MVB12A: variants seen among roughly 807,000 people sequenced by gnomAD.
MVB12A encodes the protein multivesicular body subunit 12A, also known as CIN85/CD2AP family binding protein.
A neutral mutation model predicts 34.3 loss-of-function variants in MVB12A; 30 were observed. The ratio of observed to expected loss-of-function variants is 0.88; its 90% CI spans 0.65 to 1.19. The LOEUF (loss-of-function observed/expected upper bound fraction) is 1.19. MVB12A is among the 50% of genes most tolerant of loss of function. MVB12A has a pLI of 0.00. For missense variants in MVB12A, 355 were observed against 369.2 expected (o/e 0.96, Z 0.31); for synonymous variants, 158 against 158.9 (o/e 0.99, Z 0.04).
At chr19:17,418,449 A>G (rs2074815725), upstream of MVB12A, among the ~76,000 whole-genome samples, 1 of 150,110 alleles carries the variant, frequency 6.7e-6, no homozygotes, top group Non-Finnish European at 1.5e-5. Flanking sequence ...CTGGAGTGCA[A>G]TGGCGCGATC....
At chr19:17,415,375 T>C (rs1045773701), upstream of MVB12A, 1 of 152,246 alleles carries the variant, frequency 6.6e-6, no homozygotes, top group Non-Finnish European at 1.5e-5. Flanking sequence ...GATAAGGTAC[T>C]GGAACAAACA....
At position 17,423,576 on chromosome 19, in the gene MVB12A, G is replaced by A. The variant is rs1413951005; in HGVS notation, c.492G>A (p.Arg164=). ...RPVPKPRGLS[R]DMQGLSLDAA... ...TGCCCAAGCCCCGAGGTCTCAGCCGGGACATGCAGGGCCTCTCTCTGGATG... is the reference window on the plus strand; with the variant it reads ...TGCCCAAGCCCCGAGGTCTCAGCCGAGACATGCAGGGCCTCTCTCTGGATG... Residue 164 remains arginine (R), a synonymous_variant, in exon 5 of 9, where the codon CGG becomes CGA. Coordinates refer to ENST00000317040, the MANE Select transcript of MVB12A (RefSeq NM_138401.4). 5 of 1,614,152 alleles carry A rather than the reference G, an allele frequency of 3.1e-6. No homozygotes were observed. In the South Asian group the frequency reaches 4.4e-5, roughly 14 times the overall value.
intron 7 of MVB12A, 100 bp downstream of exon 7, chr19:17,424,167 C>A: frequency 1.6e-6 from 2 of 1,220,608 alleles, no homozygotes; most frequent in Non-Finnish European, 2.4e-6. Context: ...AGGGCCACAT[C>A]CTGGGTTGGG....
chr19:17,424,042 T>C lies in MVB12A; in HGVS notation c.677T>C (p.Phe226Ser), dbSNP rs1305903702. ...GTTCCCTTCACACTCCACCCACGATTTGAGGGCAAGAGCTGCAGCCCCCTG... is the reference window on the plus strand; with the variant it reads ...GTTCCCTTCACACTCCACCCACGATCTGAGGGCAAGAGCTGCAGCCCCCTG... ...DGVPFTLHPR[F>S]EGKSCSPLAF... is the part of the protein sequence containing the mutation. The change falls in exon 7 of 9, where the codon TTT becomes TCT. Residue 226 changes from phenylalanine to serine, a missense_variant. Physicochemically the swap from Phe to Ser is radical, Grantham distance 155. Coordinates refer to ENST00000317040, the MANE Select transcript of MVB12A (RefSeq NM_138401.4). 2 of 1,614,162 alleles carry C rather than the reference T, an allele frequency of 1.2e-6. No individual in the cohort carries two copies. Among genetic ancestry groups the C allele is most frequent in the Non-Finnish European group, 1.7e-6 (2 of 1,180,024 alleles).
At chr19:17,424,590 G>T (rs757502376) in intron 7 of MVB12A, 31 bp from the exon 8 acceptor site, 13 of 1,605,850 alleles carry the variant, frequency 8.1e-6, no homozygotes, top group African/African-American at 2.7e-5. Context: ...GTTGAGATCG[G>T]GCCCAAGGCT....
intron 8 of MVB12A, 56 bp downstream of exon 8, chr19:17,424,733 G>A: frequency 6.5e-7 from 1 of 1,549,740 alleles, no homozygotes; most frequent in Non-Finnish European, 8.7e-7. Context: ...GGTGCCTGAG[G>A]GGCCGGCACC....
At chr19:17,419,948 C>A (rs977338261), upstream of MVB12A, 15 of 405,184 alleles carry the variant, frequency 3.7e-5, no homozygotes, top group Middle Eastern at 6.1e-4. Context: ...TGGCGAGGCT[C>A]CGCCTCCCCA....
chr19:17,408,675 G>T (rs983723966), intron 2 of MVB12A, among the ~76,000 whole-genome samples: 8 of 151,080 alleles, frequency 5.3e-5, no homozygotes, highest in African/African-American at 1.9e-4. Flanking sequence ...TTGAACTCCT[G>T]ACCTCAGGTG....
At chr19:17,423,360 C>CAAAAA in intron 4 of MVB12A, 138 bp from the exon 5 acceptor site, 7 of 890,242 alleles carry the variant, frequency 7.9e-6, no homozygotes, top group African/African-American at 2.2e-5. Flanking sequence ...ACTCCGTCCC[C>CAAAAA]AAAAAAAAAA....
At chr19:17,420,669 TC>T (rs770502770) in intron 3 of MVB12A, 35 bp downstream of exon 3, 1 of 1,492,540 alleles carries the variant, frequency 6.7e-7, no homozygotes, top group Non-Finnish European at 9.3e-7. Flanking sequence ...GTTGTCCGGG[TC>T]CCTTGCAGGG....
In MVB12A at chr19:17,420,591, C is replaced by T. The variant is rs1240661569; in HGVS notation, c.243C>T (p.Pro81=). 6.2e-7 allele frequency: 1 copy of T among 1,614,054 alleles called. No homozygotes were observed. Among genetic ancestry groups the T allele is most frequent in the Non-Finnish European group, 8.5e-7 (1 of 1,179,940 alleles). The part of the protein sequence containing the change: ...ADIQIVVDKS[P]LPLGFSPVCD... ...TCCAGATCGTGGTGGACAAGAGCCC[C>T]CTGCCGCTGGGCTTCTCCCCCGTCT... Residue 81 remains proline, a synonymous_variant, in exon 3 of 9, where the codon CCC becomes CCT. Coordinates refer to ENST00000317040, the MANE Select transcript of MVB12A (RefSeq NM_138401.4).
At chr19:17,423,237 T>G (rs2074848972) in intron 4 of MVB12A, among the ~76,000 whole-genome samples, 1 of 148,608 alleles carries the variant, frequency 6.7e-6, no homozygotes, top group African/African-American at 2.5e-5. Context: ...TGGTTGCCTG[T>G]AATCCCAGCT....
chr19:17,423,858 T>C, intron 6 of MVB12A, 59 bp downstream of exon 6: 1 of 1,579,376 alleles, frequency 6.3e-7, no homozygotes. Flanking sequence ...GTCTTGAGAT[T>C]ACACAACCAG....
In MVB12A at chr19:17,424,006, C is replaced by T. The variant is rs2145764575; in HGVS notation, c.641C>T (p.Ala214Val). Residue 214 changes from alanine (A) to valine (V), a missense_variant and splice_region_variant, in exon 7 of 9, where the codon GCC becomes GTC. Transcript: ENST00000317040. ...TCCTCCCCTCGCACGTGTTTTTCAGCCATGGATGGGGTTCCCTTCACACTC... is the reference window on the plus strand; with the variant it reads ...TCCTCCCCTCGCACGTGTTTTTCAGTCATGGATGGGGTTCCCTTCACACTC... ...YEASSLYGIS[A>V]MDGVPFTLHP... 3.1e-6 allele frequency: 5 copies of T among 1,614,136 alleles called. No homozygotes were observed. The highest frequency in any genetic ancestry group is 4.2e-6 in the Non-Finnish European group (5 of 1,180,022).
At chr19:17,412,934 G>A (rs1353998386) in intron 2 of MVB12A, among the ~76,000 whole-genome samples, 1 of 152,176 alleles carries the variant, frequency 6.6e-6, no homozygotes, top group Non-Finnish European at 1.5e-5. Flanking sequence ...CCGTGGACAA[G>A]GGGTCACATA....
intron 2 of MVB12A, among the ~76,000 whole-genome samples, chr19:17,411,581 C>T (rs995308070): frequency 3.3e-5 from 5 of 152,112 alleles, no homozygotes; most frequent in African/African-American, 1.2e-4. Flanking sequence ...TTTTCTCAAA[C>T]TCCTGGGCTC....
intron 2 of MVB12A, among the ~76,000 whole-genome samples, chr19:17,410,573 T>C (rs1252910523): frequency 8.0e-6 from 1 of 124,786 alleles, no homozygotes; most frequent in African/African-American, 3.7e-5. Context: ...TATACATATA[T>C]ATACATATAT....
Position 17,424,642 on chromosome 19 carries a change from C to T in MVB12A, c.724C>T (p.Leu242=). ...CCAGGCCTTCTCTGCTTTTGGGGAC[C>T]TGACCATCAAGTCTCTGGCGGACAT... The part of the protein sequence containing the change: ...SPLAFSAFGD[L]TIKSLADIEE... The change falls in exon 8 of 9, where the codon CTG becomes TTG. Residue 242 remains leucine (L), a synonymous_variant. Transcript: ENST00000317040. The T allele has an allele frequency of 1.2e-6, 2 of 1,613,032 alleles. No homozygotes were observed. Among genetic ancestry groups the T allele is most frequent in the Non-Finnish European group, 1.7e-6 (2 of 1,179,576 alleles).
At chr19:17,409,333 G>A (rs900774924) in intron 2 of MVB12A, among the ~76,000 whole-genome samples, 3 of 151,098 alleles carry the variant, frequency 2.0e-5, no homozygotes, top group African/African-American at 4.9e-5. Context: ...GTTTCGACAT[G>A]TTGGCCAGGC....
Sources: gnomAD v4.1 joint callset for allele counts (sites outside exome capture counted in the v4.1 genomes callset) on GRCh38, gnomAD v4.1.1 for gene constraint, MANE v1.5 for transcripts, NCBI Gene and HGNC (gene_info 2026-07-23, HGNC 2026-07-21) for gene names.